Variants in EYS observed in about 807,000 individuals in gnomAD.
The protein encoded by EYS is protein eyes shut homolog.
EYS carries 250 observed loss-of-function variants against 282.1 expected under a neutral mutation model. The observed-to-expected ratio is 0.89, with a 90% confidence interval of 0.80 to 0.98. The LOEUF (loss-of-function observed/expected upper bound fraction) is 0.98. EYS is among the 50% of genes least tolerant of loss of function. EYS has a pLI of 0.00. For synonymous variants in EYS, 1,355 were observed against 1,282.9 expected, an observed-to-expected ratio of 1.06 and a Z score of -1.20; for missense variants, 4,016 against 3,709.0, an observed-to-expected ratio of 1.08 and a Z score of -2.15.
At chr6:64,292,190 T>G (rs1275144417) in intron 30 of EYS, among the ~76,000 whole-genome samples, 1 of 152,084 alleles carries the variant, frequency 6.6e-6, no homozygotes, top group African/African-American at 2.4e-5. Flanking sequence ...AACCAGCAGT[T>G]AAGCTCTCTA....
At chr6:64,291,270 T>C (rs975361823) in intron 30 of EYS, among the ~76,000 whole-genome samples, 1 of 152,040 alleles carries the variant, frequency 6.6e-6, no homozygotes, top group African/African-American at 2.4e-5. Flanking sequence ...ATGAACATTA[T>C]CATGAATGCT....
chr6:64,810,031 T>G (rs1764546342), intron 22 of EYS, among the ~76,000 whole-genome samples: 1 of 152,064 alleles, frequency 6.6e-6, no homozygotes, highest in African/African-American at 2.4e-5. Flanking sequence ...GAAAATTTTT[T>G]AAGAAGTGTG....
At chr6:65,091,564 G>A (rs1011241999) in intron 12 of EYS, among the ~76,000 whole-genome samples, 2 of 151,996 alleles carry the variant, frequency 1.3e-5, no homozygotes, top group African/African-American at 4.8e-5. Flanking sequence ...CAACAAATGA[G>A]CTGAATATAG....
chr6:64,224,705 A>C (rs764737715), intron 31 of EYS, among the ~76,000 whole-genome samples: 1 of 152,182 alleles, frequency 6.6e-6, no homozygotes, highest in Admixed American at 6.6e-5. Flanking sequence ...ATGTATTTAC[A>C]TTGTGTTTGC....
chr6:64,672,682 C>A (rs974905696), intron 22 of EYS, among the ~76,000 whole-genome samples: 1 of 152,134 alleles, frequency 6.6e-6, no homozygotes, highest in East Asian at 1.9e-4. Flanking sequence ...TAAATCGTTT[C>A]CTGAAGCTTA....
At chr6:65,180,592 G>C (rs190548503) in intron 12 of EYS, among the ~76,000 whole-genome samples, 14 of 152,230 alleles carry the variant, frequency 9.2e-5, no homozygotes, top group Non-Finnish European at 1.9e-4. Context: ...CTATGCTCAT[G>C]GGTAGGAAGA....
In EYS at chr6:65,448,686, A is replaced by G. The variant is rs534220424; in HGVS notation, c.862+41908T>C. On this transcript the variant is annotated intron_variant, in intron 5 of 42. Transcript: ENST00000503581. ...TTACTGCTTTATAAAGCTCTTACAA[A>G]CATATTTTTGAAGAGTAAGTTTTTG... is the stretch of plus-strand genomic sequence containing the variant. 2.0e-5 allele frequency among the ~76,000 whole-genome samples: 3 copies of G among 152,124 alleles called. No individual in the cohort carries two copies. The East Asian group carries it at 5.8e-4, about 29-fold the overall frequency.
rs11965827 is a variant in EYS, at chr6:65,119,368, A to C, written c.2024-61641T>G. Among the ~76,000 whole-genome samples the C allele has an allele frequency of 2.6e-3, 399 of 152,274 alleles. 1 individual carries two copies. Among genetic ancestry groups the C allele is most frequent in the African/African-American group, 9.0e-3 (375 of 41,566 alleles). On this transcript the variant is annotated intron_variant, in intron 12 of 42. Transcript: ENST00000503581. ...TTATACCAAGGCACAAGGAGCTACC[A>C]CGTCTAAACCTTAACACAAAGAGAA...
At chr6:64,155,802 C>T (rs530282777) in intron 31 of EYS, among the ~76,000 whole-genome samples, 14 of 152,058 alleles carry the variant, frequency 9.2e-5, no homozygotes, top group East Asian at 5.8e-4. Context: ...CATTGTATTA[C>T]AATATTATTT....
chr6:64,447,204 T>G (rs1231721675), intron 26 of EYS, among the ~76,000 whole-genome samples: 1 of 151,510 alleles, frequency 6.6e-6, no homozygotes, highest in African/African-American at 2.4e-5. Context: ...CTTGTGTCTC[T>G]TTGTGTTATT....
intron 2 of EYS, among the ~76,000 whole-genome samples, chr6:65,522,586 T>TA (rs1487904538): frequency 6.6e-6 from 1 of 152,288 alleles, no homozygotes; most frequent in African/African-American, 2.4e-5. Context: ...TATGTATGCA[T>TA]ATTTTTGTAT....
At position 64,726,175 on chromosome 6, in the gene EYS, C is replaced by T. The variant is rs577969205; in HGVS notation, c.3443+87203G>A. 3.3e-5 allele frequency among the ~76,000 whole-genome samples: 5 copies of T among 151,988 alleles called. No homozygotes were observed. In the East Asian group the frequency reaches 5.9e-4, roughly 18 times the overall value. ...CCTCGAGGGCCCAATTCAAATCTCA[C>T]TCTTCTTTTATGAGCCTTGCTCTAT... On this transcript the variant is annotated intron_variant, in intron 22 of 42. Coordinates refer to ENST00000503581, the MANE Select transcript of EYS (RefSeq NM_001142800.2).
At chr6:65,050,665 T>C (rs1433105224) in intron 13 of EYS, among the ~76,000 whole-genome samples, 1 of 151,648 alleles carries the variant, frequency 6.6e-6, no homozygotes, top group African/African-American at 2.4e-5. Flanking sequence ...TTGAGTAGAC[T>C]GGAGCATTTA....
intron 30 of EYS, among the ~76,000 whole-genome samples, chr6:64,299,750 A>G (rs987835258): frequency 1.2e-4 from 18 of 152,150 alleles, no homozygotes; most frequent in African/African-American, 3.6e-4. Flanking sequence ...TCCATAACCA[A>G]TGGTTTTCAG....
intron 2 of EYS, among the ~76,000 whole-genome samples, chr6:65,547,427 A>G (rs550053332): frequency 1.4e-4 from 21 of 152,122 alleles, no homozygotes; most frequent in African/African-American, 4.3e-4. Flanking sequence ...AATTTTAATA[A>G]TATTACAGTA....
chr6:64,443,234 G>A (rs1023154770), intron 26 of EYS, among the ~76,000 whole-genome samples: 1 of 152,104 alleles, frequency 6.6e-6, no homozygotes, highest in Middle Eastern at 3.2e-3. Context: ...GACTTGCATG[G>A]GACCTGTAGC....
intron 29 of EYS, among the ~76,000 whole-genome samples, chr6:64,310,870 G>A (rs775916837): frequency 1.3e-5 from 2 of 152,066 alleles, no homozygotes; most frequent in African/African-American, 2.4e-5. Context: ...GAACCACGTT[G>A]AATTTATCAT....
At chr6:63,936,362 G>A (rs1460151363) in intron 35 of EYS, among the ~76,000 whole-genome samples, 1 of 152,176 alleles carries the variant, frequency 6.6e-6, no homozygotes, top group Non-Finnish European at 1.5e-5. Context: ...ATCTCTGCTA[G>A]CCTGATATTG....
At chr6:64,900,990 C>A (rs530113802) in intron 18 of EYS, among the ~76,000 whole-genome samples, 1 of 151,758 alleles carries the variant, frequency 6.6e-6, no homozygotes, top group Non-Finnish European at 1.5e-5. Context: ...TGGAACCAAC[C>A]AAAATGCCCA....
Sources: allele counts gnomAD v4.1 joint callset (sites outside exome capture counted in the v4.1 genomes callset), GRCh38; gene constraint gnomAD v4.1.1; transcripts MANE v1.5; gene names NCBI Gene and HGNC (gene_info 2026-07-23, HGNC 2026-07-21).